The following WDFY3 variants were observed in gnomAD, a reference collection of about 807,000 sequenced individuals.
WDFY3 encodes the protein WD repeat and FYVE domain containing 3.
WDFY3 carries 66 observed loss-of-function variants against 409.6 expected under a neutral mutation model. The observed-to-expected ratio is 0.16, with a 90% CI of 0.13 to 0.20. The LOEUF is 0.20. Ranked by LOEUF, WDFY3 falls within the 10% of genes least tolerant of loss-of-function variation. The pLI, the probability that WDFY3 is intolerant of heterozygous loss-of-function variation, is 1.00. For missense variants in WDFY3, 3,031 were observed against 4,298.1 expected (o/e 0.71, Z 8.24); for synonymous variants, 1,521 against 1,537.1 (o/e 0.99, Z 0.25).
chr4:84,903,676 C>T (rs1222593529), intron 2 of WDFY3, among the ~76,000 whole-genome samples: 1 of 152,114 alleles, frequency 6.6e-6, no homozygotes, highest in Non-Finnish European at 1.5e-5. Flanking sequence ...ATATTTCAAA[C>T]CAAACCTCAC....
intron 1 of WDFY3, among the ~76,000 whole-genome samples, chr4:84,959,680 T>C (rs1282394689): frequency 2.0e-5 from 3 of 152,152 alleles, no homozygotes; most frequent in African/African-American, 4.8e-5. Flanking sequence ...GAAGAACGAT[T>C]ATGAGTTACA....
At chr4:84,807,279 T>C (rs1751673098) in intron 15 of WDFY3, among the ~76,000 whole-genome samples, 1 of 152,176 alleles carries the variant, frequency 6.6e-6, no homozygotes, top group Non-Finnish European at 1.5e-5. Context: ...AGCACAAATA[T>C]ACTGAACAAT....
chr4:84,683,414 G>A (rs1727739666), intron 63 of WDFY3, among the ~76,000 whole-genome samples: 1 of 152,164 alleles, frequency 6.6e-6, no homozygotes, highest in Non-Finnish European at 1.5e-5. Context: ...TACTTCAACA[G>A]ACTACAAAAG....
At chr4:84,766,517 A>G (rs1743667715) in intron 30 of WDFY3, 145 bp from the exon 31 acceptor site, 1 of 747,866 alleles carries the variant, frequency 1.3e-6, no homozygotes, top group Admixed American at 3.6e-5. Context: ...TGGACAAGAA[A>G]AAGGGTCAGT....
At chr4:84,890,400 T>C (rs1172181763) in intron 3 of WDFY3, among the ~76,000 whole-genome samples, 1 of 152,200 alleles carries the variant, frequency 6.6e-6, no homozygotes, top group African/African-American at 2.4e-5. Flanking sequence ...ACACGTGGCC[T>C]TGCCCAAGCT....
At chr4:84,787,434 A>G (rs1204362348) in intron 23 of WDFY3, 48 bp downstream of exon 23, 10 of 1,554,404 alleles carry the variant, frequency 6.4e-6, no homozygotes, top group Non-Finnish European at 8.8e-6. Context: ...TCTATATTGC[A>G]GGAGTTAAGT....
chr4:84,741,085 T>A (rs1022107048), intron 38 of WDFY3, among the ~76,000 whole-genome samples: 1 of 152,214 alleles, frequency 6.6e-6, no homozygotes, highest in African/African-American at 2.4e-5. Flanking sequence ...AGGAACTTTG[T>A]AAAGATTCAA....
intron 3 of WDFY3, among the ~76,000 whole-genome samples, chr4:84,889,822 A>T (rs1177843507): frequency 6.6e-6 from 1 of 152,174 alleles, no homozygotes; most frequent in Admixed American, 6.5e-5. Flanking sequence ...TTATGACATG[A>T]TTAGAATTGG....
At chr4:84,817,345 C>T (rs778456939) in intron 13 of WDFY3, 47 bp downstream of exon 13, 3 of 1,601,044 alleles carry the variant, frequency 1.9e-6, no homozygotes, top group African/African-American at 2.7e-5. Context: ...TAAAAATAAC[C>T]ACAGATTTTA....
chr4:84,697,480 C>T (rs990903154), intron 56 of WDFY3, among the ~76,000 whole-genome samples: 2 of 152,116 alleles, frequency 1.3e-5, no homozygotes, highest in African/African-American at 4.8e-5. Context: ...CAAAAAATAA[C>T]ATGTTGTGAT....
At chr4:84,912,437 G>A (rs1767914225) in intron 2 of WDFY3, among the ~76,000 whole-genome samples, 1 of 152,174 alleles carries the variant, frequency 6.6e-6, no homozygotes, top group Admixed American at 6.5e-5. Context: ...CAGCTTTATT[G>A]TGGGCACAGG....
chr4:84,736,070 A>T, intron 42 of WDFY3, 100 bp downstream of exon 42: 1 of 1,344,550 alleles, frequency 7.4e-7, no homozygotes, highest in South Asian at 1.8e-5. Flanking sequence ...TTCTAAAGCA[A>T]AAATACAGAA....
intron 5 of WDFY3, among the ~76,000 whole-genome samples, chr4:84,841,569 G>A (rs1368984836): frequency 1.3e-5 from 2 of 152,146 alleles, no homozygotes; most frequent in Non-Finnish European, 2.9e-5. Context: ...TGTTTGTCCA[G>A]GAAGTAGGAG....
chr4:84,702,209 C>T, intron 56 of WDFY3, 144 bp downstream of exon 56: 1 of 900,004 alleles, frequency 1.1e-6, no homozygotes, highest in Non-Finnish European at 1.6e-6. Context: ...GTAACCACAC[C>T]CAATTACAGC....
chr4:84,786,260 G>T, intron 23 of WDFY3, 121 bp from the exon 24 acceptor site: 5 of 946,762 alleles, frequency 5.3e-6, no homozygotes, highest in South Asian at 2.3e-5. Flanking sequence ...GAATAAGAGA[G>T]GTAAATTTAA....
At chr4:84,835,053 T>C (rs1219655937) in intron 7 of WDFY3, among the ~76,000 whole-genome samples, 1 of 152,216 alleles carries the variant, frequency 6.6e-6, no homozygotes, top group Non-Finnish European at 1.5e-5. Context: ...TCCACAACTG[T>C]AAATGAGGAG....
At chr4:84,866,046 G>C (rs1761347124) in intron 3 of WDFY3, among the ~76,000 whole-genome samples, 1 of 152,088 alleles carries the variant, frequency 6.6e-6, no homozygotes, top group Non-Finnish European at 1.5e-5. Context: ...ACTCCAGCCT[G>C]GGTTACAGAG....
At position 84,860,474 on chromosome 4, in the gene WDFY3, G is replaced by A. The variant is rs1560944861; in HGVS notation, c.118C>T (p.Arg40Trp). The A allele has an allele frequency of 3.7e-6, 6 of 1,614,038 alleles. No individual in the cohort carries two copies. The highest frequency in any genetic ancestry group is 3.4e-6 in the Non-Finnish European group (4 of 1,179,986). Residue 40 changes from arginine (R) to tryptophan (W), a missense_variant, in exon 4 of 68, where the codon CGG becomes TGG. Physicochemically the swap from Arg to Trp is moderately radical, Grantham distance 101 (BLOSUM62 -3). This residue lies in a region of WDFY3 where 1,322 missense variants were observed against 1,697.9 expected (regional missense o/e 0.78). Coordinates refer to ENST00000295888, the MANE Select transcript of WDFY3 (RefSeq NM_014991.6). The part of the protein sequence containing the change: ...RLFTELCHPP[R>W]HMTQKEQEEK... The stretch of plus-strand genomic sequence containing the variant: ...TCTTGTTCCTTCTGAGTCATGTGCC[G>A]GGGAGGATGGCACAACTCCGTGAAG...
intron 26 of WDFY3, 88 bp from the exon 27 acceptor site, chr4:84,778,743 A>C: frequency 8.1e-7 from 1 of 1,239,232 alleles, no homozygotes; most frequent in South Asian, 1.7e-5. Context: ...ACACACAAAC[A>C]CACACATACA....
Sources: allele counts gnomAD v4.1 joint callset (sites outside exome capture counted in the v4.1 genomes callset), GRCh38; gene constraint gnomAD v4.1.1; regional missense constraint gnomAD v4.1.1; transcripts MANE v1.5; gene names NCBI Gene and HGNC (gene_info 2026-07-23, HGNC 2026-07-21).